Variants in ADCY7 observed in about 807,000 individuals in gnomAD.
The protein encoded by ADCY7 is adenylate cyclase 7, also known as adenylate cyclase type 7.
A neutral mutation model predicts 120.6 loss-of-function variants in ADCY7; 72 were observed. The observed-to-expected ratio is 0.60, with a 90% CI of 0.49 to 0.73. The LOEUF (loss-of-function observed/expected upper bound fraction) is 0.73. Ranked by LOEUF, ADCY7 falls within the 30% of genes least tolerant of loss-of-function variation. ADCY7 has a pLI of 0.00. For synonymous variants in ADCY7, 661 were observed against 628.0 expected (o/e 1.05, Z -0.78); for missense variants, 1,227 against 1,486.0 (o/e 0.83, Z 2.87).
At chr16:50,273,137 CTG>C (rs1188263246) in intron 1 of ADCY7, among the ~76,000 whole-genome samples, 3 of 152,154 alleles carry the variant, frequency 2.0e-5, no homozygotes, top group Non-Finnish European at 4.4e-5. Flanking sequence ...CTGGAGCTGA[CTG>C]GGGTGGCCCT....
rs1038584024 is a variant in ADCY7 at position 50,312,881 on chromosome 16, C to T, written c.2605-9C>T. 1.9e-6 allele frequency: 3 copies of T among 1,613,650 alleles called. No individual in the cohort carries two copies. The highest frequency in any genetic ancestry group is 2.2e-5 in the South Asian group (2 of 91,080). On this transcript the variant is annotated splice_polypyrimidine_tract_variant and intron_variant, in intron 21 of 25. Transcript: ENST00000673801. ...GAAGTGGTGTAAGGTCCGGTTTCTT[C>T]CCATCCAGGACTGGTACCATCAGTC...
chr16:50,306,227 C>A (rs2036054991), intron 14 of ADCY7, among the ~76,000 whole-genome samples: 1 of 152,210 alleles, frequency 6.6e-6, no homozygotes, highest in South Asian at 2.1e-4. Flanking sequence ...CTGCTATGAG[C>A]TTTTTGTACT....
chr16:50,256,595 C>T (rs1478044938), intron 1 of ADCY7, among the ~76,000 whole-genome samples: 1 of 152,004 alleles, frequency 6.6e-6, no homozygotes, highest in African/African-American at 2.4e-5. Flanking sequence ...TCTACCTAGT[C>T]AGGAGGCTGA....
intron 1 of ADCY7, among the ~76,000 whole-genome samples, chr16:50,271,526 C>T (rs1315889995): frequency 6.6e-6 from 1 of 152,188 alleles, no homozygotes; most frequent in Non-Finnish European, 1.5e-5. Flanking sequence ...GACCTTGGGC[C>T]TGGGAGAAGG....
Position 50,315,387 on chromosome 16 carries a change from A to C in ADCY7, c.3125A>C (p.Gln1042Pro). 6.2e-7 allele frequency: 1 copy of C among 1,613,442 alleles called. No homozygotes were observed. Among genetic ancestry groups the C allele is most frequent in the Non-Finnish European group, 8.5e-7 (1 of 1,179,390 alleles). The change falls in exon 26 of 26, where the codon CAG becomes CCG. Residue 1042 changes from glutamine (Q) to proline (P), a missense_variant. Gln to Pro is a moderately conservative substitution (Grantham distance 76). Coordinates refer to ENST00000673801, the MANE Select transcript of ADCY7 (RefSeq NM_001114.5). ...QVTEETCTIL[Q>P]GLGYSCECRG... is the part of the protein sequence containing the mutation. ...ACCGAGGAGACCTGCACCATCCTCCAGGGCCTCGGGTACTCTTGTGAATGC... is the reference window on the plus strand; with the variant it reads ...ACCGAGGAGACCTGCACCATCCTCCCGGGCCTCGGGTACTCTTGTGAATGC...
At chr16:50,247,282 G>C (rs2032618993) in intron 1 of ADCY7, among the ~76,000 whole-genome samples, 1 of 146,472 alleles carries the variant, frequency 6.8e-6, no homozygotes, top group African/African-American at 2.6e-5. Flanking sequence ...GTCTATGGGG[G>C]GACCCCACAG....
chr16:50,313,705 T>TGC (rs1278427753), intron 22 of ADCY7: 52 of 462,534 alleles, frequency 1.1e-4, no homozygotes, highest in African/African-American at 9.4e-4. Flanking sequence ...ATGCTGTGTT[T>TGC]GCTCTGTGCA....
chr16:50,269,514 G>A (rs891984051), intron 1 of ADCY7, among the ~76,000 whole-genome samples: 1 of 152,210 alleles, frequency 6.6e-6, no homozygotes, highest in Non-Finnish European at 1.5e-5. Flanking sequence ...GGCCTTCTGC[G>A]TGGCTGGGCC....
chr16:50,314,074 CAA>C lies in ADCY7; in HGVS notation c.2856+13_2856+14del. On this transcript the variant is annotated intron_variant, in intron 23 of 25. Transcript: ENST00000673801. ...GGCACGAGAACCAGGTACTCAAGCC[CAA>C]GAGGTGAAATTCAGCTGACTGTCCT... 2 of 1,611,636 alleles carry C rather than the reference CAA, an allele frequency of 1.2e-6. No individual in the cohort carries two copies. The highest frequency in any genetic ancestry group is 1.7e-6 in the Non-Finnish European group (2 of 1,177,978).
chr16:50,277,668 G>GTTT lies in ADCY7; in HGVS notation c.-268-10226_-268-10224dup, dbSNP rs755335071. 7.8e-4 allele frequency among the ~76,000 whole-genome samples: 90 copies of GTTT among 114,966 alleles called. 1 individual carries two copies. Among genetic ancestry groups the GTTT allele is most frequent in the African/African-American group, 2.5e-3 (77 of 31,080 alleles). The allele number at this position is 114,966 out of a possible 152,430, so 75.4% of individuals were successfully genotyped here. On this transcript the variant is annotated intron_variant, in intron 1 of 25. Transcript: ENST00000673801. ...CCATTGTGCCTGGCTACCATGGTAGGTTTTTTTTTTTTTTTTTTTTGAGGC... is the reference window on the plus strand; with the variant it reads ...CCATTGTGCCTGGCTACCATGGTAGGTTTTTTTTTTTTTTTTTTTTTTTGAGGC...
At position 50,308,750 on chromosome 16, in the gene ADCY7, C is replaced by A. The variant is rs749208154; in HGVS notation, c.2019C>A (p.Val673=). The A allele has an allele frequency of 1.2e-6, 2 of 1,613,000 alleles. No homozygotes were observed. The highest frequency in any genetic ancestry group is 2.2e-5 in the South Asian group (2 of 91,088). Residue 673 remains valine, a synonymous_variant, in exon 17 of 26, where the codon GTC becomes GTA. Coordinates refer to ENST00000673801, the MANE Select transcript of ADCY7 (RefSeq NM_001114.5). ...CCCTGCTGAGGCTGACCCTGGCCGTCCTGACCATCGGCAGCCTGCTCACTG... is the reference window on the plus strand; with the variant it reads ...CCCTGCTGAGGCTGACCCTGGCCGTACTGACCATCGGCAGCCTGCTCACTG... ...TQPLLRLTLA[V]LTIGSLLTVA...
intron 1 of ADCY7, among the ~76,000 whole-genome samples, chr16:50,282,065 C>A (rs1208965372): frequency 6.6e-6 from 1 of 152,096 alleles, no homozygotes; most frequent in Non-Finnish European, 1.5e-5. Context: ...GGCTTCCATG[C>A]CCCCCTCACT....
chr16:50,287,644 C>T (rs886677314), intron 1 of ADCY7, among the ~76,000 whole-genome samples: 3 of 148,528 alleles, frequency 2.0e-5, no homozygotes, highest in African/African-American at 7.5e-5. Context: ...CGTGCCACTG[C>T]ACTCCAGCCT....
intron 1 of ADCY7, among the ~76,000 whole-genome samples, chr16:50,282,448 A>AAG (rs1227324778): frequency 1.3e-5 from 2 of 152,110 alleles, no homozygotes; most frequent in African/African-American, 4.8e-5. Context: ...AGTTGCAGGG[A>AAG]AGGGATAAGG....
At chr16:50,280,889 T>C (rs769517136) in intron 1 of ADCY7, among the ~76,000 whole-genome samples, 9 of 152,050 alleles carry the variant, frequency 5.9e-5, no homozygotes, top group Non-Finnish European at 1.0e-4. Context: ...AAGCTGGGAC[T>C]GGAATGCAGG....
At chr16:50,298,836 G>C (rs200331348) in intron 7 of ADCY7, 68 bp from the exon 8 acceptor site, 1 of 1,556,686 alleles carries the variant, frequency 6.4e-7, no homozygotes. Context: ...AGGGTGGGGG[G>C]AGGCGGCTGT....
At chr16:50,307,660 C>T (rs1472418421) in intron 15 of ADCY7, among the ~76,000 whole-genome samples, 3 of 152,014 alleles carry the variant, frequency 2.0e-5, no homozygotes, top group Non-Finnish European at 2.9e-5. Context: ...GCAGTTAGGC[C>T]GAAGCATCGA....
rs2035689783 is a variant in ADCY7 at position 50,301,100 on chromosome 16, G to A, written c.1254G>A (p.Glu418=). ...AGVPGRVHIT[E]ATLKHLDKAY... ...CCCGTAGCCGGGTGCACATCACGGA[G>A]GCCACGCTAAAGCACCTGGACAAGG... The change falls in exon 10 of 26, where the codon GAG becomes GAA. Residue 418 remains glutamate (E), a synonymous_variant. Coordinates refer to ENST00000673801, the MANE Select transcript of ADCY7 (RefSeq NM_001114.5). 6.2e-7 allele frequency: 1 copy of A among 1,613,888 alleles called. No individual in the cohort carries two copies. The highest frequency in any genetic ancestry group is 8.5e-7 in the Non-Finnish European group (1 of 1,179,912).
chr16:50,312,119 G>C lies in ADCY7; in HGVS notation c.2532G>C (p.Val844=). Residue 844 remains valine (V), a synonymous_variant, in exon 21 of 26, where the codon GTG becomes GTC. Coordinates refer to ENST00000673801, the MANE Select transcript of ADCY7 (RefSeq NM_001114.5). ...EHEEFETMEN[V]NRLLLENVLP... is the part of the protein sequence containing the mutation. ...AGGAGTTTGAGACCATGGAGAACGT[G>C]AACCGCCTTCTTCTGGAGAACGTCC... 6.2e-7 allele frequency: 1 copy of C among 1,614,214 alleles called. No individual in the cohort carries two copies.
Sources: gnomAD v4.1 joint callset for allele counts (sites outside exome capture counted in the v4.1 genomes callset) on GRCh38, gnomAD v4.1.1 for gene constraint, MANE v1.5 for transcripts, NCBI Gene and HGNC (gene_info 2026-07-23, HGNC 2026-07-21) for gene names.